The following ZNF354C variants were observed in gnomAD, a reference collection of about 807,000 sequenced individuals.
ZNF354C encodes KRAB-zinc finger protein synten.
A neutral mutation model predicts 12.4 loss-of-function variants in ZNF354C; 7 were observed. The observed-to-expected ratio is 0.56, with a 90% CI of 0.32 to 1.06. The LOEUF (loss-of-function observed/expected upper bound fraction) is 1.06. Ranked by LOEUF, ZNF354C falls within the 50% of genes least tolerant of loss-of-function variation. The probability of loss-of-function intolerance (pLI) is 0.04; values close to 1 mark genes in which losing one functional copy is unlikely to be tolerated. For synonymous variants in ZNF354C, 202 were observed against 224.5 expected (o/e 0.90, Z 0.90); for missense variants, 609 against 658.0 (o/e 0.93, Z 0.81).
rs1408357039 is a variant in ZNF354C, at chr5:179,082,452, T to C, written c.*2355T>C. On this transcript the variant is annotated 3_prime_UTR_variant, in exon 5 of 5. Coordinates refer to ENST00000315475, the MANE Select transcript of ZNF354C (RefSeq NM_014594.3). Reference sequence around the variant, plus strand: ...TAAATAGACAAGTCCAGAGTTGGTATAGGACAACTGGACTTTTTTTTATAT... The same window carrying C: ...TAAATAGACAAGTCCAGAGTTGGTACAGGACAACTGGACTTTTTTTTATAT... 1.7e-5 allele frequency: 9 copies of C among 518,086 alleles called. No individual in the cohort carries two copies. Among genetic ancestry groups the C allele is most frequent in the Non-Finnish European group, 2.7e-5 (8 of 292,904 alleles). 32.1% of individuals were successfully genotyped at this position (518,086 alleles called of 1,614,324 possible).
chr5:179,083,893 C>G lies in ZNF354C; in HGVS notation c.*3796C>G, dbSNP rs1163877133. On this transcript the variant is annotated 3_prime_UTR_variant, in exon 5 of 5. Transcript: ENST00000315475. ...AGAGTTAGGAACCCTTCACTCTGGG[C>G]AGAGGATTTGTGAGCCAAAAAGGGT... Among the ~76,000 whole-genome samples, 1 of 152,162 alleles carries G rather than the reference C, an allele frequency of 6.6e-6. No homozygotes were observed. The highest frequency in any genetic ancestry group is 1.5e-5 in the Non-Finnish European group (1 of 68,042).
Position 179,078,948 on chromosome 5 carries a change from T to G in ZNF354C, c.516T>G (p.Asn172Lys), listed in dbSNP as rs1461336889. 2.1e-5 allele frequency: 34 copies of G among 1,613,974 alleles called. No homozygotes were observed. The highest frequency in any genetic ancestry group is 2.7e-5 in the Non-Finnish European group (32 of 1,180,004). Residue 172 changes from asparagine to lysine, a missense_variant, in exon 5 of 5, where the codon AAT becomes AAG. Asn to Lys is a moderately conservative substitution (Grantham distance 94, BLOSUM62 0). Transcript: ENST00000315475. Reference protein sequence around the residue: ...SLELGKSLFTNTALVTQQSVP... With the variant: ...SLELGKSLFTKTALVTQQSVP... ...AATTGGGGAAAAGCTTATTTACAAA[T>G]ACAGCTCTTGTCACACAACAGAGTG...
chr5:179,076,614 C>T, intron 3 of ZNF354C, 43 bp downstream of exon 3: 2 of 1,604,574 alleles, frequency 1.2e-6, no homozygotes, highest in Non-Finnish European at 1.7e-6. Context: ...TATAGGAACG[C>T]CTCACAGGTC....
intron 2 of ZNF354C, among the ~76,000 whole-genome samples, chr5:179,066,604 G>A (rs1761961072): frequency 6.6e-6 from 1 of 152,128 alleles, no homozygotes; most frequent in Non-Finnish European, 1.5e-5. Context: ...CTTTTTGAAG[G>A]ATAATTTCCC....
At chr5:179,075,863 T>C (rs1209907212) in intron 2 of ZNF354C, among the ~76,000 whole-genome samples, 1 of 152,262 alleles carries the variant, frequency 6.6e-6, no homozygotes, top group Admixed American at 6.5e-5. Context: ...TTGTCTTCAA[T>C]TGTTCACATT....
chr5:179,061,945 G>A (rs532519889), intron 1 of ZNF354C, 70 bp from the exon 2 acceptor site: 19 of 1,017,920 alleles, frequency 1.9e-5, no homozygotes, highest in Admixed American at 6.9e-5. Context: ...CATTATGGGC[G>A]GTTGTAACTT....
intron 1 of ZNF354C, among the ~76,000 whole-genome samples, chr5:179,061,602 C>G (rs554502270): frequency 1.3e-5 from 2 of 152,136 alleles, no homozygotes; most frequent in East Asian, 3.9e-4. Context: ...GGTAGGGATG[C>G]GGGGAAGCCT....
At chr5:179,076,343 T>A in intron 2 of ZNF354C, 102 bp from the exon 3 acceptor site, 1 of 1,547,098 alleles carries the variant, frequency 6.5e-7, no homozygotes. Context: ...CGTGAATTAT[T>A]AGAATCCTGA....
Position 179,079,117 on chromosome 5 carries a change from C to A in ZNF354C, c.685C>A (p.Leu229Met), listed in dbSNP as rs761487105. ...NECGKSFKQN[L>M]HLIEHQRIHT... ...ATGTGGGAAGAGCTTCAAGCAGAAT[C>A]TGCATCTTATTGAACATCAGAGAAT... is the stretch of plus-strand genomic sequence containing the variant. The change falls in exon 5 of 5, where the codon CTG (leucine) becomes ATG (methionine). Residue 229 changes from leucine to methionine, a missense_variant. Leu to Met is a conservative substitution (Grantham distance 15). Transcript: ENST00000315475. This position sits in a 1 kb window ranked among gnomAD's most constrained non-coding sequence, Gnocchi z 4.2. The A allele has an allele frequency of 1.3e-5, 21 of 1,613,722 alleles. No homozygotes were observed. Among genetic ancestry groups the A allele is most frequent in the Middle Eastern group, 1.6e-4 (1 of 6,080 alleles).
At position 179,081,814 on chromosome 5, in the gene ZNF354C, T is replaced by A. The variant is rs1447574720; in HGVS notation, c.*1717T>A. 1 of 152,142 alleles carries A rather than the reference T, an allele frequency of 6.6e-6. No individual in the cohort carries two copies. The highest frequency in any genetic ancestry group is 1.5e-5 in the Non-Finnish European group (1 of 68,026). 9.4% of individuals were successfully genotyped at this position (152,142 alleles called of 1,614,324 possible). A position where few individuals can be genotyped will look rare whatever the true frequency, so the allele number is the denominator to read the frequency against. On this transcript the variant is annotated 3_prime_UTR_variant, in exon 5 of 5. Coordinates refer to ENST00000315475, the MANE Select transcript of ZNF354C (RefSeq NM_014594.3). ...AGTGGGTGGTGTGGCTAAAATACTTTTTATTAAGAAAATAAAATAAAAAGC... is the reference window on the plus strand; with the variant it reads ...AGTGGGTGGTGTGGCTAAAATACTTATTATTAAGAAAATAAAATAAAAAGC...
chr5:179,068,336 G>A (rs983458209), intron 2 of ZNF354C, among the ~76,000 whole-genome samples: 15 of 152,298 alleles, frequency 9.8e-5, no homozygotes, highest in African/African-American at 2.6e-4. Flanking sequence ...ATTGCACTGC[G>A]TGTTCTTTTG....
intron 2 of ZNF354C, among the ~76,000 whole-genome samples, chr5:179,063,631 A>G (rs1761921855): frequency 6.6e-6 from 1 of 152,250 alleles, no homozygotes; most frequent in African/African-American, 2.4e-5. Context: ...TACTATGTAT[A>G]AAAATATCTA....
At position 179,061,254 on chromosome 5, in the gene ZNF354C, G is replaced by A. The variant is rs561966613; in HGVS notation, c.-55+588G>A. Among the ~76,000 whole-genome samples the A allele has an allele frequency of 1.3e-3, 194 of 152,170 alleles. 4 individuals carry two copies. Among genetic ancestry groups the A allele is most frequent in the Non-Finnish European group, 4.7e-4 (32 of 68,016 alleles). On this transcript the variant is annotated intron_variant, in intron 1 of 4. Transcript: ENST00000315475. ...GCCTGGAGGCCCTCACACTTGCCCG[G>A]CTGCCCCAGGCAGCCTCTTCCCTTG...
chr5:179,072,214 A>G (rs1476086568), intron 2 of ZNF354C, among the ~76,000 whole-genome samples: 1 of 152,148 alleles, frequency 6.6e-6, no homozygotes, highest in African/African-American at 2.4e-5. Context: ...AGGAAATGCA[A>G]GCAGAGAAAT....
chr5:179,075,930 A>T (rs1166914965), intron 2 of ZNF354C, among the ~76,000 whole-genome samples: 2 of 152,274 alleles, frequency 1.3e-5, no homozygotes, highest in African/African-American at 4.8e-5. Flanking sequence ...ATCTTGAAAC[A>T]GCATAAATGT....
chr5:179,078,473 T>C (rs1451286333), intron 4 of ZNF354C, among the ~76,000 whole-genome samples: 1 of 152,232 alleles, frequency 6.6e-6, no homozygotes, highest in Non-Finnish European at 1.5e-5. Flanking sequence ...CATTGTTAAT[T>C]TGTCCAGTGT....
Position 179,079,532 on chromosome 5 carries a change from A to G in ZNF354C, c.1100A>G (p.Gln367Arg). 2.5e-6 allele frequency: 4 copies of G among 1,614,204 alleles called. No individual in the cohort carries two copies. The South Asian group carries it at 3.3e-5, about 13-fold the overall frequency. ...AGTGAGTGTGGGAAGGGATACAGCC[A>G]GTTTACATCTCTAGCTGAACATCAG... Reference protein sequence around the residue: ...KCSECGKGYSQFTSLAEHQRF... With the variant: ...KCSECGKGYSRFTSLAEHQRF... The change falls in exon 5 of 5, where the codon CAG becomes CGG. Residue 367 changes from glutamine to arginine, a missense_variant. Gln to Arg is a conservative substitution (Grantham distance 43). Coordinates refer to ENST00000315475, the MANE Select transcript of ZNF354C (RefSeq NM_014594.3). This position sits in a 1 kb window ranked among gnomAD's most constrained non-coding sequence, Gnocchi z 4.2.
At position 179,080,220 on chromosome 5, in the gene ZNF354C, G is replaced by A. The variant is rs887266757; in HGVS notation, c.*123G>A. The A allele has an allele frequency of 3.0e-6, 2 of 672,672 alleles. No individual in the cohort carries two copies. The highest frequency in any genetic ancestry group is 4.7e-6 in the Non-Finnish European group (2 of 421,568). 41.7% of individuals were successfully genotyped at this position (672,672 alleles called of 1,614,324 possible). Reference sequence around the variant, plus strand: ...AAGGAAATATGTTAGTTGCCACTAAGTCATGATAAAATTGATCAGTGAGAC... The same window carrying A: ...AAGGAAATATGTTAGTTGCCACTAAATCATGATAAAATTGATCAGTGAGAC... On this transcript the variant is annotated 3_prime_UTR_variant, in exon 5 of 5. Coordinates refer to ENST00000315475, the MANE Select transcript of ZNF354C (RefSeq NM_014594.3).
At position 179,082,515 on chromosome 5, in the gene ZNF354C, A is replaced by T; in HGVS notation, c.*2418A>T. 1 of 596,466 alleles carries T rather than the reference A, an allele frequency of 1.7e-6. No individual in the cohort carries two copies. Among genetic ancestry groups the T allele is most frequent in the East Asian group, 2.8e-5 (1 of 35,328 alleles). The allele number at this position is 596,466 out of a possible 1,614,324, so 36.9% of individuals were successfully genotyped here. The stretch of plus-strand genomic sequence containing the variant: ...ATGGTTTTCTTAAATTTATTTTTTT[A>T]AACATAACACGAGGAAGCTGTTAAA... On this transcript the variant is annotated 3_prime_UTR_variant, in exon 5 of 5. Transcript: ENST00000315475.
Sources: allele counts gnomAD v4.1 joint callset (sites outside exome capture counted in the v4.1 genomes callset), GRCh38; gene constraint gnomAD v4.1.1; non-coding constraint Gnocchi (gnomAD v3.1); transcripts MANE v1.5; gene names NCBI Gene and HGNC (gene_info 2026-07-23, HGNC 2026-07-21).